Variants in TRIO observed in about 807,000 individuals in gnomAD.
The protein encoded by TRIO is triple functional domain protein.
TRIO carries 58 observed loss-of-function variants against 351.9 expected under a neutral mutation model. The observed-to-expected ratio is 0.16, with a 90% CI of 0.13 to 0.21. TRIO has a LOEUF of 0.21. Ranked by LOEUF, TRIO falls within the 10% of genes least tolerant of loss-of-function variation. The pLI is 1.00. For synonymous variants in TRIO, 1,758 were observed against 1,595.7 expected (o/e 1.10, Z -2.42); for missense variants, 3,201 against 4,027.8 (o/e 0.79, Z 5.56).
Position 14,497,795 on chromosome 5 carries a change from C to T in TRIO, c.8020-52C>T. 3.1e-6 allele frequency: 5 copies of T among 1,609,560 alleles called. No individual in the cohort carries two copies. The highest frequency in any genetic ancestry group is 3.3e-4 in the Middle Eastern group (2 of 6,054). On this transcript the variant is annotated intron_variant, in intron 50 of 56. Transcript: ENST00000344204. The surrounding 1 kb of genome is among the most constrained non-coding windows in gnomAD (Gnocchi z 4.4). ...TTGTAGCCCTGGAATGAAAGGAATA[C>T]ACCTTAAAGTAGCTCATTTCAGTTA...
chr5:14,488,619 C>T, intron 48 of TRIO: 1 of 497,202 alleles, frequency 2.0e-6, no homozygotes, highest in South Asian at 3.2e-5. Flanking sequence ...TCTCTACCTC[C>T]TGTTTAAATT....
chr5:14,358,729 C>T (rs566173941), intron 12 of TRIO, among the ~76,000 whole-genome samples: 15 of 152,308 alleles, frequency 9.8e-5, no homozygotes, highest in Non-Finnish European at 1.8e-4. Flanking sequence ...CACCTCCCAA[C>T]GTCCAGATTC....
intron 34 of TRIO, among the ~76,000 whole-genome samples, chr5:14,457,036 T>G (rs1158400046): frequency 1.3e-5 from 2 of 152,110 alleles, no homozygotes; most frequent in East Asian, 3.8e-4. Flanking sequence ...AAAAGTTTTT[T>G]CCCCACCAGA....
At chr5:14,255,009 A>G (rs1207943464) in intron 1 of TRIO, among the ~76,000 whole-genome samples, 5 of 152,120 alleles carry the variant, frequency 3.3e-5, no homozygotes, top group African/African-American at 1.2e-4. Flanking sequence ...AAATATGAAA[A>G]TCTAGTTTAT....
intron 8 of TRIO, among the ~76,000 whole-genome samples, chr5:14,310,482 C>T (rs1486855648): frequency 1.3e-5 from 2 of 152,210 alleles, no homozygotes; most frequent in African/African-American, 4.8e-5. Context: ...CTCAACAGGG[C>T]CTCATGGGAA....
chr5:14,354,491 C>G (rs61469842), intron 11 of TRIO, among the ~76,000 whole-genome samples: 14,517 of 152,180 alleles, frequency 0.095, 1,075 homozygotes, highest in African/African-American at 0.21. Context: ...ACCCGGACGC[C>G]CTCCTGCTGC....
chr5:14,424,990 T>C (rs1352037328), intron 34 of TRIO, among the ~76,000 whole-genome samples: 1 of 152,190 alleles, frequency 6.6e-6, no homozygotes, highest in Non-Finnish European at 1.5e-5. Flanking sequence ...ATCTCCCCAC[T>C]TGTTCACCCA....
At chr5:14,392,373 A>G (rs561078663) in intron 27 of TRIO, among the ~76,000 whole-genome samples, 24 of 152,354 alleles carry the variant, frequency 1.6e-4, no homozygotes, top group Middle Eastern at 3.4e-3. Context: ...ATCAACCACA[A>G]TGAGATACTA....
At chr5:14,407,050 A>G (rs1450546617) in intron 33 of TRIO, among the ~76,000 whole-genome samples, 1 of 152,164 alleles carries the variant, frequency 6.6e-6, no homozygotes, top group Non-Finnish European at 1.5e-5. Flanking sequence ...TTTAAGATGG[A>G]CAGCACCCTT....
intron 9 of TRIO, among the ~76,000 whole-genome samples, chr5:14,320,303 A>G (rs1323504169): frequency 6.6e-6 from 1 of 152,230 alleles, no homozygotes; most frequent in African/African-American, 2.4e-5. Context: ...GATGGGTAGT[A>G]GTAGTCCAAA....
chr5:14,374,053 GGA>G (rs1213384490), intron 18 of TRIO, among the ~76,000 whole-genome samples, 174 bp from the exon 19 acceptor site: 2 of 152,200 alleles, frequency 1.3e-5, no homozygotes, highest in Admixed American at 6.5e-5. Context: ...GAGGGCTTCA[GGA>G]GAGAGAGATT....
At chr5:14,325,953 T>TA (rs1347019025) in intron 9 of TRIO, among the ~76,000 whole-genome samples, 2 of 152,218 alleles carry the variant, frequency 1.3e-5, no homozygotes, top group Non-Finnish European at 2.9e-5. Context: ...CCTAAGAGGT[T>TA]ACTTACCCAA....
At chr5:14,191,554 AGTG>A (rs1790460391) in intron 1 of TRIO, among the ~76,000 whole-genome samples, 1 of 141,408 alleles carries the variant, frequency 7.1e-6, no homozygotes, top group African/African-American at 2.5e-5. Context: ...AAAAAAAAAA[AGTG>A]GTAGTAGTAG....
chr5:14,341,198 T>G (rs1741910954), intron 11 of TRIO, among the ~76,000 whole-genome samples: 1 of 152,222 alleles, frequency 6.6e-6, no homozygotes, highest in Non-Finnish European at 1.5e-5. Context: ...TCAGTTCTGT[T>G]GATAATGCTC....
intron 11 of TRIO, among the ~76,000 whole-genome samples, chr5:14,353,521 C>CT (rs780611679): frequency 3.7e-4 from 56 of 152,240 alleles, no homozygotes; most frequent in African/African-American, 9.9e-4. Context: ...GCCTCGACCT[C>CT]TGAGTGCTGG....
intron 1 of TRIO, among the ~76,000 whole-genome samples, chr5:14,265,273 A>G (rs182007855): frequency 7.9e-5 from 12 of 152,196 alleles, no homozygotes; most frequent in Admixed American, 3.9e-4. Flanking sequence ...ATTTTGTTCA[A>G]CAGCTCAAAT....
intron 1 of TRIO, among the ~76,000 whole-genome samples, chr5:14,167,300 G>C (rs1439655628): frequency 6.6e-6 from 1 of 151,868 alleles, no homozygotes; most frequent in Non-Finnish European, 1.5e-5. Context: ...TATGTTCCAT[G>C]AGCCCGTTAA....
At chr5:14,442,508 A>G (rs1752139739) in intron 34 of TRIO, among the ~76,000 whole-genome samples, 1 of 152,186 alleles carries the variant, frequency 6.6e-6, no homozygotes, top group Non-Finnish European at 1.5e-5. Context: ...GGCTGCGTGA[A>G]TGTTGCATGT....
At chr5:14,461,398 C>CT (rs922034969) in intron 35 of TRIO, 87 bp downstream of exon 35, 1 of 1,412,902 alleles carries the variant, frequency 7.1e-7, no homozygotes, top group African/African-American at 1.5e-5. Context: ...TATGAGTAAA[C>CT]TGGTTTGGTT....
Sources: allele counts gnomAD v4.1 joint callset (sites outside exome capture counted in the v4.1 genomes callset), GRCh38; gene constraint gnomAD v4.1.1; non-coding constraint Gnocchi (gnomAD v3.1); transcripts MANE v1.5; gene names NCBI Gene and HGNC (gene_info 2026-07-23, HGNC 2026-07-21).